Variants in LRRC8B observed in about 807,000 individuals in gnomAD.
LRRC8B encodes leucine rich repeat containing 8 VRAC subunit B.
In LRRC8B, 23 loss-of-function variants were observed where a neutral mutation model predicts 58.8. That is an observed-to-expected ratio of 0.39 (90% confidence interval 0.28 to 0.55). The LOEUF (loss-of-function observed/expected upper bound fraction) is 0.55, where lower values mean the gene tolerates loss of function less well. Among genes scored for constraint, LRRC8B ranks in the 20% least tolerant of loss-of-function variants. LRRC8B has a pLI of 0.62. For synonymous variants in LRRC8B, 359 were observed against 374.1 expected, an observed-to-expected ratio of 0.96 and a Z score of 0.47; for missense variants, 694 against 936.0, an observed-to-expected ratio of 0.74 and a Z score of 3.37.
chr1:89,569,389 G>A (rs1653273896), intron 3 of LRRC8B, among the ~76,000 whole-genome samples: 1 of 151,964 alleles, frequency 6.6e-6, no homozygotes, highest in Admixed American at 6.6e-5. Context: ...ACTGATGTTG[G>A]GAGTAAGGAT....
In LRRC8B at chr1:89,595,323, G is replaced by T. The variant is rs1235839131; in HGVS notation, c.*2280G>T. The T allele has an allele frequency of 3.9e-5, 6 of 152,074 alleles. No individual in the cohort carries two copies. The highest frequency in any genetic ancestry group is 1.4e-4 in the African/African-American group (6 of 41,424). The allele number at this position is 152,074 out of a possible 1,614,324, so 9.4% of individuals were successfully genotyped here. ...ATGTTTATTTTAGTGTTTCACAATAGAATTATCATGTATACTGATTCCAGT... is the reference window on the plus strand; with the variant it reads ...ATGTTTATTTTAGTGTTTCACAATATAATTATCATGTATACTGATTCCAGT... On this transcript the variant is annotated 3_prime_UTR_variant, in exon 6 of 6. Transcript: ENST00000330947.
At position 89,584,407 on chromosome 1, in the gene LRRC8B, A is replaced by G; in HGVS notation, c.1757A>G (p.Asn586Ser). The G allele has an allele frequency of 6.2e-7, 1 of 1,614,182 alleles. No homozygotes were observed. The highest frequency in any genetic ancestry group is 8.5e-7 in the Non-Finnish European group (1 of 1,180,030). The change falls in exon 5 of 6, where the codon AAT becomes AGT. Residue 586 changes from asparagine to serine, a missense_variant. By Grantham distance (46) the Asn-to-Ser change is conservative. Coordinates refer to ENST00000330947, the MANE Select transcript of LRRC8B (RefSeq NM_001369817.2). Reference protein sequence around the residue: ...VVLNNLKKMVNLKSLELISCD... With the variant: ...VVLNNLKKMVSLKSLELISCD... ...TTGAACAACTTGAAAAAGATGGTCA[A>G]TCTGAAAAGCCTAGAACTGATCAGC...
At chr1:89,586,841 A>C (rs757491245) in intron 5 of LRRC8B, among the ~76,000 whole-genome samples, 3 of 152,212 alleles carry the variant, frequency 2.0e-5, no homozygotes, top group Non-Finnish European at 4.4e-5. Context: ...TCAAAGAAGC[A>C]CTGTTCAGAG....
chr1:89,551,884 G>A (rs1651845177), intron 1 of LRRC8B, among the ~76,000 whole-genome samples: 1 of 152,040 alleles, frequency 6.6e-6, no homozygotes, highest in African/African-American at 2.4e-5. Context: ...AACATAGTAG[G>A]CTCTCAAGTG....
At chr1:89,563,081 A>G (rs1312518270) in intron 1 of LRRC8B, among the ~76,000 whole-genome samples, 1 of 152,196 alleles carries the variant, frequency 6.6e-6, no homozygotes, top group African/African-American at 2.4e-5. Context: ...GACCAACAAT[A>G]TATTTAATTT....
rs1351509688 is a variant in LRRC8B at position 89,584,105 on chromosome 1, A to G, written c.1455A>G (p.Leu485=). The G allele has an allele frequency of 6.2e-7, 1 of 1,613,892 alleles. No homozygotes were observed. Among genetic ancestry groups the G allele is most frequent in the South Asian group, 1.1e-5 (1 of 91,088 alleles). ...LVVDHPALAF[L]EENLKILRLK... is the part of the protein sequence containing the mutation. ...TAGACCATCCTGCACTGGCCTTTCT[A>G]GAGGAGAATTTAAAAATCCTCCGCC... is the stretch of plus-strand genomic sequence containing the variant. The change falls in exon 5 of 6, where the codon CTA becomes CTG. Residue 485 remains leucine (L), a synonymous_variant. Transcript: ENST00000330947.
chr1:89,566,129 A>G (rs914196637), intron 1 of LRRC8B, among the ~76,000 whole-genome samples: 1 of 152,214 alleles, frequency 6.6e-6, no homozygotes, highest in African/African-American at 2.4e-5. Flanking sequence ...TGAAAGAGAC[A>G]TTGGGATACA....
chr1:89,596,345 A>C lies in LRRC8B; in HGVS notation c.*3302A>C, dbSNP rs949605923. The C allele has an allele frequency of 1.3e-5, 2 of 152,036 alleles. No homozygotes were observed. Among genetic ancestry groups the C allele is most frequent in the Non-Finnish European group, 1.5e-5 (1 of 67,950 alleles). The allele number at this position is 152,036 out of a possible 1,614,324, so 9.4% of individuals were successfully genotyped here. On this transcript the variant is annotated 3_prime_UTR_variant, in exon 6 of 6. Coordinates refer to ENST00000330947, the MANE Select transcript of LRRC8B (RefSeq NM_001369817.2). ...CCTGTATGTCACTGTATTTTATGTC[A>C]CTTCACATTGTGTTAAACAGGGTAA... is the stretch of plus-strand genomic sequence containing the variant.
Position 89,583,834 on chromosome 1 carries a change from A to G in LRRC8B, c.1184A>G (p.Lys395Arg), listed in dbSNP as rs1654423574. 3 of 1,614,220 alleles carry G rather than the reference A, an allele frequency of 1.9e-6. No homozygotes were observed. The highest frequency in any genetic ancestry group is 2.2e-5 in the East Asian group (1 of 44,882). ...TTCCTATCAGAGGTCAGTGAGAACAAACTGAAACAGATCAACCTCAATAAT... is the reference window on the plus strand; with the variant it reads ...TTCCTATCAGAGGTCAGTGAGAACAGACTGAAACAGATCAACCTCAATAAT... The part of the protein sequence containing the change: ...SIFLSEVSEN[K>R]LKQINLNNEW... The change falls in exon 5 of 6, where the codon AAA becomes AGA. Residue 395 changes from lysine (K) to arginine (R), a missense_variant. By Grantham distance (26) the Lys-to-Arg change is conservative. This residue lies in a region of LRRC8B where 162 missense variants were observed against 198.5 expected (regional missense o/e 0.82). Coordinates refer to ENST00000330947, the MANE Select transcript of LRRC8B (RefSeq NM_001369817.2). The surrounding 1 kb of genome is among the most constrained non-coding windows in gnomAD (Gnocchi z 5.2).
At chr1:89,559,840 G>A (rs1376773194) in intron 1 of LRRC8B, among the ~76,000 whole-genome samples, 3 of 152,014 alleles carry the variant, frequency 2.0e-5, no homozygotes, top group Non-Finnish European at 2.9e-5. Context: ...ATTTTTAGTC[G>A]CTTTTTCAAA....
At position 89,554,880 on chromosome 1, in the gene LRRC8B, A is replaced by G. The variant is rs6677825; in HGVS notation, c.-240-13367A>G. On this transcript the variant is annotated intron_variant, in intron 1 of 5. Transcript: ENST00000330947. The stretch of plus-strand genomic sequence containing the variant: ...CTTCAAATTTGGTTGCTAAGAAATA[A>G]CCATAGATTCATCTGCTGTGTATAA... Among the ~76,000 whole-genome samples, 842 of 152,300 alleles carry G rather than the reference A, an allele frequency of 5.5e-3. 11 individuals are homozygous for G. The highest frequency in any genetic ancestry group is 0.019 in the African/African-American group (798 of 41,566).
At chr1:89,538,823 C>T (rs1570564164) in intron 1 of LRRC8B, among the ~76,000 whole-genome samples, 3 of 152,192 alleles carry the variant, frequency 2.0e-5, no homozygotes, top group East Asian at 1.9e-4. Context: ...CGGGTTCAAG[C>T]GATTCCCCTA....
Position 89,583,657 on chromosome 1 carries a change from G to A in LRRC8B, c.1007G>A (p.Trp336Ter). ...YGLTSSYSLWWMLRSSLKQYS... is the reference protein window; with the variant it reads ...YGLTSSYSLW ...CTGACCTCTTCCTACAGCCTGTGGTGGATGCTGAGGAGTTCCCTGAAGCAA... is the reference window on the plus strand; with the variant it reads ...CTGACCTCTTCCTACAGCCTGTGGTAGATGCTGAGGAGTTCCCTGAAGCAA... The change falls in exon 5 of 6, where the codon TGG becomes TAG. Residue 336 changes from tryptophan to a stop codon, truncating the protein, a stop_gained. Coordinates refer to ENST00000330947, the MANE Select transcript of LRRC8B (RefSeq NM_001369817.2). LOFTEE classifies it high-confidence loss of function. The surrounding 1 kb of genome is among the most constrained non-coding windows in gnomAD (Gnocchi z 5.2). 6.2e-7 allele frequency: 1 copy of A among 1,613,662 alleles called. No homozygotes were observed. Among genetic ancestry groups the A allele is most frequent in the Non-Finnish European group, 8.5e-7 (1 of 1,180,034 alleles).
At chr1:89,569,388 G>A (rs1653273588) in intron 3 of LRRC8B, among the ~76,000 whole-genome samples, 1 of 151,994 alleles carries the variant, frequency 6.6e-6, no homozygotes, top group Non-Finnish European at 1.5e-5. Context: ...CACTGATGTT[G>A]GGAGTAAGGA....
intron 3 of LRRC8B, among the ~76,000 whole-genome samples, chr1:89,576,087 A>G (rs1022350544): frequency 2.0e-5 from 3 of 152,214 alleles, no homozygotes; most frequent in Non-Finnish European, 4.4e-5. Context: ...GACCTTTAAA[A>G]CATTTGCTGG....
intron 1 of LRRC8B, among the ~76,000 whole-genome samples, chr1:89,526,172 GT>G (rs1649680820): frequency 6.6e-6 from 1 of 152,144 alleles, no homozygotes; most frequent in Non-Finnish European, 1.5e-5. Context: ...CCCTCTATGT[GT>G]ACAGGCTACA....
chr1:89,589,889 T>A (rs1309832610), intron 5 of LRRC8B, among the ~76,000 whole-genome samples: 1 of 150,296 alleles, frequency 6.7e-6, no homozygotes, highest in East Asian at 1.9e-4. Flanking sequence ...AAGAAAACCA[T>A]CCTGTTCTCG....
intron 1 of LRRC8B, among the ~76,000 whole-genome samples, chr1:89,544,240 T>C (rs1023566738): frequency 3.9e-5 from 6 of 152,230 alleles, no homozygotes; most frequent in African/African-American, 9.6e-5. Flanking sequence ...TTGATTCTTA[T>C]TGTTTTCCTC....
intron 1 of LRRC8B, among the ~76,000 whole-genome samples, chr1:89,564,701 G>A (rs1274023971): frequency 6.6e-6 from 1 of 152,192 alleles, no homozygotes; most frequent in Non-Finnish European, 1.5e-5. Context: ...AGGCAGGAAG[G>A]CATCAAATCA....
Sources: allele counts gnomAD v4.1 joint callset (sites outside exome capture counted in the v4.1 genomes callset), GRCh38; gene constraint gnomAD v4.1.1; regional missense constraint gnomAD v4.1.1; non-coding constraint Gnocchi (gnomAD v3.1); transcripts MANE v1.5; gene names NCBI Gene and HGNC (gene_info 2026-07-23, HGNC 2026-07-21).